Variants in DIP2B observed in about 807,000 individuals in gnomAD.
DIP2B encodes the protein DIP2 acetate--CoA ligase B (putative).
A neutral mutation model predicts 198.0 loss-of-function variants in DIP2B; 76 were observed. The ratio of observed to expected loss-of-function variants is 0.38; its 90% CI spans 0.32 to 0.46. DIP2B has a LOEUF of 0.46. Ranked by LOEUF, DIP2B falls within the 20% of genes least tolerant of loss-of-function variation. The probability of loss-of-function intolerance (pLI) is 0.99; values close to 1 mark genes in which losing one functional copy is unlikely to be tolerated. For missense variants in DIP2B, 1,559 were observed against 1,978.4 expected, an observed-to-expected ratio of 0.79 and a Z score of 4.02; for synonymous variants, 701 against 739.1, an observed-to-expected ratio of 0.95 and a Z score of 0.84.
intron 33 of DIP2B, among the ~76,000 whole-genome samples, chr12:50,734,704 C>T (rs1251486503): frequency 1.3e-5 from 2 of 152,190 alleles, no homozygotes; most frequent in African/African-American, 4.8e-5. Flanking sequence ...TGCCCCACTG[C>T]ACTGACCTAG....
intron 13 of DIP2B, among the ~76,000 whole-genome samples, chr12:50,691,362 A>G (rs1939219243): frequency 6.6e-6 from 1 of 152,196 alleles, no homozygotes; most frequent in South Asian, 2.1e-4. Context: ...TGTAAAGCAT[A>G]ATTTCTAGAG....
At chr12:50,515,551 A>G (rs1215178900) in intron 1 of DIP2B, among the ~76,000 whole-genome samples, 2 of 152,082 alleles carry the variant, frequency 1.3e-5, no homozygotes, top group Non-Finnish European at 2.9e-5. Context: ...TGGTATCTTT[A>G]TGAAACTCTC....
intron 29 of DIP2B, 74 bp downstream of exon 29, chr12:50,727,886 C>A: frequency 7.6e-7 from 1 of 1,308,826 alleles, no homozygotes; most frequent in Non-Finnish European, 1.1e-6. Flanking sequence ...ACTATAGATG[C>A]AGAGGCCAAG....
At position 50,671,427 on chromosome 12, in the gene DIP2B, A is replaced by G. The variant is rs1167098276; in HGVS notation, c.640+29A>G. The G allele has an allele frequency of 2.5e-6, 4 of 1,608,112 alleles. No homozygotes were observed. In the African/African-American group the frequency reaches 5.3e-5, roughly 21 times the overall value. ...GGAGCTGGATCTACCCAAGAAGCCC[A>G]AATTACATTCCATTTGGCTCCCAGT... is the stretch of plus-strand genomic sequence containing the variant. On this transcript the variant is annotated intron_variant, in intron 5 of 37. Transcript: ENST00000301180.
chr12:50,600,931 C>CACCACT (rs1383524011), intron 1 of DIP2B, among the ~76,000 whole-genome samples: 5 of 144,990 alleles, frequency 3.4e-5, no homozygotes, highest in East Asian at 3.9e-4. Context: ...CCACCACCAC[C>CACCACT]ACCACCACTA....
intron 3 of DIP2B, among the ~76,000 whole-genome samples, chr12:50,654,742 A>G (rs1165141035): frequency 1.3e-5 from 2 of 152,246 alleles, no homozygotes; most frequent in African/African-American, 4.8e-5. Context: ...ATAACAGACA[A>G]CATAAAATGG....
In DIP2B at chr12:50,747,332, T is replaced by C. The variant is rs1448456266; in HGVS notation, c.*2493T>C. The C allele has an allele frequency of 6.6e-6, 1 of 152,246 alleles. No homozygotes were observed. The highest frequency in any genetic ancestry group is 3.2e-3 in the Middle Eastern group (1 of 316). The allele number at this position is 152,246 out of a possible 1,614,324, so 9.4% of individuals were successfully genotyped here. ...CTTAGAGGCTGATTATCTAGTTTTG[T>C]AGTTCCTCAGGCCTCTAATTTATTT... On this transcript the variant is annotated 3_prime_UTR_variant, in exon 38 of 38. Transcript: ENST00000301180.
At chr12:50,580,538 C>CT (rs35098719) in intron 1 of DIP2B, among the ~76,000 whole-genome samples, 72,950 of 127,152 alleles carry the variant, frequency 0.57, 25,738 homozygotes, top group Non-Finnish European at 0.75. Flanking sequence ...TTTCTTTTTC[C>CT]TTTTTTTTTT....
intron 1 of DIP2B, among the ~76,000 whole-genome samples, chr12:50,602,975 A>T (rs1958951108): frequency 1.3e-5 from 2 of 151,586 alleles, no homozygotes; most frequent in Non-Finnish European, 1.5e-5. Flanking sequence ...CCATCCTGGC[A>T]TACACGGTGA....
chr12:50,543,921 C>CT (rs1184879688), intron 1 of DIP2B, among the ~76,000 whole-genome samples: 67 of 37,546 alleles, frequency 1.8e-3, no homozygotes, highest in Non-Finnish European at 2.3e-4. Context: ...GAGACTCAGC[C>CT]TTTAAAAAAA....
intron 1 of DIP2B, among the ~76,000 whole-genome samples, chr12:50,558,928 A>G (rs950915603): frequency 3.3e-5 from 5 of 152,216 alleles, no homozygotes; most frequent in Admixed American, 6.5e-5. Context: ...CTCTTCTTCT[A>G]TGAAGCCAAG....
intron 1 of DIP2B, among the ~76,000 whole-genome samples, chr12:50,589,900 C>A (rs1255300917): frequency 6.6e-6 from 1 of 152,114 alleles, no homozygotes; most frequent in Non-Finnish European, 1.5e-5. Flanking sequence ...CTTCCAAGAT[C>A]CTCTTACTGC....
rs1271830879 is a variant in DIP2B, at chr12:50,695,949, A to G, written c.1915A>G (p.Thr639Ala). 5 of 1,613,956 alleles carry G rather than the reference A, an allele frequency of 3.1e-6. No individual in the cohort carries two copies. The African/African-American group carries it at 5.3e-5, about 17-fold the overall frequency. ...SLSSLRMLIV[T>A]DGANPWSVSS... ...GAGTTCCCTCCGAATGTTAATTGTG[A>G]CTGATGGAGCTAACCCCTGTGAGTA... The change falls in exon 16 of 38, where the codon ACT becomes GCT. Residue 639 changes from threonine (T) to alanine (A), a missense_variant. Transcript: ENST00000301180.
At chr12:50,640,509 C>T (rs1565854910) in intron 2 of DIP2B, among the ~76,000 whole-genome samples, 2 of 152,162 alleles carry the variant, frequency 1.3e-5, no homozygotes, top group African/African-American at 4.8e-5. Flanking sequence ...CTATTCCTCT[C>T]CTATCAACCT....
chr12:50,567,718 G>A (rs1171236991), intron 1 of DIP2B, among the ~76,000 whole-genome samples: 1 of 152,152 alleles, frequency 6.6e-6, no homozygotes, highest in African/African-American at 2.4e-5. Flanking sequence ...AGTAGAGATG[G>A]GGTTTCGCAG....
chr12:50,509,777 A>G (rs928263933), intron 1 of DIP2B, among the ~76,000 whole-genome samples: 5 of 152,206 alleles, frequency 3.3e-5, no homozygotes, highest in African/African-American at 9.6e-5. Context: ...TGCTTTACCT[A>G]TCATGGGAAA....
At chr12:50,697,357 G>A (rs17124907) in intron 17 of DIP2B, among the ~76,000 whole-genome samples, 182 bp downstream of exon 17, 9,497 of 151,916 alleles carry the variant, frequency 0.063, 659 homozygotes, top group East Asian at 0.32. Flanking sequence ...ATATCATTTC[G>A]TATTTGTGAA....
chr12:50,683,797 A>G (rs1051489269), intron 10 of DIP2B, among the ~76,000 whole-genome samples: 1 of 151,436 alleles, frequency 6.6e-6, no homozygotes, highest in African/African-American at 2.4e-5. Context: ...TAAATAGATA[A>G]ATAAATAAAA....
intron 2 of DIP2B, among the ~76,000 whole-genome samples, chr12:50,640,336 A>G (rs777367018): frequency 4.9e-4 from 74 of 152,030 alleles, no homozygotes; most frequent in Non-Finnish European, 9.9e-4. Context: ...TTTTGCTTGT[A>G]TTATGTTTAT....
Sources: allele counts gnomAD v4.1 joint callset (sites outside exome capture counted in the v4.1 genomes callset), GRCh38; gene constraint gnomAD v4.1.1; transcripts MANE v1.5; gene names NCBI Gene and HGNC (gene_info 2026-07-23, HGNC 2026-07-21).